Variants in DOCK8 observed in about 807,000 individuals in gnomAD.
The protein encoded by DOCK8 is dedicator of cytokinesis protein 8.
DOCK8 carries 141 observed loss-of-function variants against 245.6 expected under a neutral mutation model. The observed-to-expected ratio is 0.57, with a 90% CI of 0.50 to 0.66. The LOEUF (loss-of-function observed/expected upper bound fraction) is 0.66. Among genes scored for constraint, DOCK8 ranks in the 30% least tolerant of loss-of-function variants. The pLI, the probability that DOCK8 is intolerant of heterozygous loss-of-function variation, is 0.00. For missense variants in DOCK8, 2,965 were observed against 2,603.4 expected, an observed-to-expected ratio of 1.14 and a Z score of -3.02; for synonymous variants, 1,168 against 970.2, an observed-to-expected ratio of 1.20 and a Z score of -3.79.
In DOCK8 at chr9:429,645, C is replaced by A. The variant is rs1159251189; in HGVS notation, c.4474-57C>A. Reference sequence around the variant, plus strand: ...ATGGACATTTGCATATTTCAACGGTCCAGAAAGTGTATCAAACTGCCAAGT... The same window carrying A: ...ATGGACATTTGCATATTTCAACGGTACAGAAAGTGTATCAAACTGCCAAGT... On this transcript the variant is annotated intron_variant, in intron 35 of 47. Transcript: ENST00000432829. 3 of 1,605,828 alleles carry A rather than the reference C, an allele frequency of 1.9e-6. No homozygotes were observed. In the African/African-American group the frequency reaches 4.0e-5, roughly 21 times the overall value.
chr9:371,313 T>G, intron 16 of DOCK8, 115 bp from the exon 17 acceptor site: 1 of 1,273,056 alleles, frequency 7.9e-7, no homozygotes, highest in Non-Finnish European at 1.1e-6. Flanking sequence ...TAATGTAAAA[T>G]GAAAAGCAAA....
At chr9:400,744 CATCTT>C (rs2054931458) in intron 26 of DOCK8, among the ~76,000 whole-genome samples, 1 of 94,550 alleles carries the variant, frequency 1.1e-5, no homozygotes, top group Non-Finnish European at 2.2e-5. Flanking sequence ...CCACCACCAG[CATCTT>C]CACCATCACC....
intron 46 of DOCK8, among the ~76,000 whole-genome samples, chr9:457,909 GATGAAGAAACTATGAC>G (rs1345353858): frequency 6.6e-6 from 1 of 152,148 alleles, no homozygotes; most frequent in African/African-American, 2.4e-5. Context: ...ACACATCACA[GATGAAGAAACTATGAC>G]ATGAAGAGGT....
intron 15 of DOCK8, chr9:369,275 C>G (rs541161472): frequency 6.6e-6 from 1 of 152,368 alleles, no homozygotes; most frequent in South Asian, 2.1e-4. Context: ...AGGCCCCTGG[C>G]ATGCCACTGC....
chr9:302,123 T>C (rs773463521), intron 4 of DOCK8, among the ~76,000 whole-genome samples: 6 of 152,114 alleles, frequency 3.9e-5, no homozygotes, highest in South Asian at 2.1e-4. Flanking sequence ...CAGTGACCAA[T>C]ACAGCACAGT....
chr9:440,740 T>C (rs898512898), intron 40 of DOCK8, among the ~76,000 whole-genome samples: 1 of 152,108 alleles, frequency 6.6e-6, no homozygotes, highest in Non-Finnish European at 1.5e-5. Flanking sequence ...TTTTGTTTTG[T>C]TTTTGTTTTT....
chr9:401,818 G>A (rs535754445), intron 26 of DOCK8, among the ~76,000 whole-genome samples: 3 of 152,164 alleles, frequency 2.0e-5, no homozygotes, highest in East Asian at 3.9e-4. Flanking sequence ...CACCCTGAAC[G>A]CACGCAGTCT....
chr9:372,698 TCTC>T (rs2053348216), intron 18 of DOCK8, among the ~76,000 whole-genome samples: 1 of 152,178 alleles, frequency 6.6e-6, no homozygotes, highest in Admixed American at 6.5e-5. Flanking sequence ...AGGTATTTAT[TCTC>T]CTACCAATCC....
At chr9:341,961 G>T (rs2051618646) in intron 14 of DOCK8, among the ~76,000 whole-genome samples, 1 of 152,180 alleles carries the variant, frequency 6.6e-6, no homozygotes, top group Non-Finnish European at 1.5e-5. Flanking sequence ...TCTAATGCCT[G>T]ATATTCTGTC....
In DOCK8 at chr9:229,446, A is replaced by G. The variant is rs544176740; in HGVS notation, c.53+14417A>G. On this transcript the variant is annotated intron_variant, in intron 1 of 47. Coordinates refer to ENST00000432829, the MANE Select transcript of DOCK8 (RefSeq NM_203447.4). ...TATATGAACTTAATAATCCCTTGAG[A>G]TGCTCTTAAATCCCATAATTACACT... 7.9e-5 allele frequency among the ~76,000 whole-genome samples: 12 copies of G among 152,318 alleles called. No individual in the cohort carries two copies. The South Asian group carries it at 2.5e-3, about 32-fold the overall frequency.
chr9:255,240 T>C (rs1338903207), intron 1 of DOCK8, among the ~76,000 whole-genome samples: 2 of 152,212 alleles, frequency 1.3e-5, no homozygotes. Context: ...TAGATCATCC[T>C]TATAACGATC....
intron 46 of DOCK8, among the ~76,000 whole-genome samples, chr9:453,293 TTAA>T (rs1458346192): frequency 3.3e-5 from 5 of 152,270 alleles, no homozygotes; most frequent in African/African-American, 1.2e-4. Flanking sequence ...ATTATCTTGA[TTAA>T]TGTTTTGATA....
chr9:391,887 C>G (rs1016069899), intron 24 of DOCK8, among the ~76,000 whole-genome samples: 5 of 144,642 alleles, frequency 3.5e-5, no homozygotes, highest in African/African-American at 1.3e-4. Context: ...ACTTGTAATC[C>G]TAGCACTTTG....
chr9:370,030 T>G (rs1443928954), intron 15 of DOCK8, 200 bp from the exon 16 acceptor site: 7 of 614,476 alleles, frequency 1.1e-5, no homozygotes, highest in African/African-American at 1.8e-5. Flanking sequence ...CTCCAACTCC[T>G]GGGCTCAAGC....
chr9:250,543 TC>T (rs1436955710), intron 1 of DOCK8, among the ~76,000 whole-genome samples: 1 of 152,208 alleles, frequency 6.6e-6, no homozygotes, highest in Non-Finnish European at 1.5e-5. Context: ...CCATGTTTTT[TC>T]TTTAATGCTT....
Position 425,593 on chromosome 9 carries a change from T to A in DOCK8, c.4242-1292T>A, listed in dbSNP as rs1344322185. ...GGTTAAAATGGTAAATTTGATGTTA[T>A]GTGTACTTTATCACGATATAAAAAT... On this transcript the variant is annotated intron_variant, in intron 33 of 47. Transcript: ENST00000432829. Among the ~76,000 whole-genome samples, 12 of 150,804 alleles carry A rather than the reference T, an allele frequency of 8.0e-5. No homozygotes were observed. The East Asian group carries it at 2.1e-3, about 27-fold the overall frequency.
chr9:435,675 T>C (rs944534655), intron 39 of DOCK8, among the ~76,000 whole-genome samples: 4 of 152,206 alleles, frequency 2.6e-5, no homozygotes, highest in African/African-American at 9.7e-5. Flanking sequence ...ATCAGTACCT[T>C]CTTAGGATAA....
At chr9:287,361 A>G (rs2048864240) in intron 3 of DOCK8, among the ~76,000 whole-genome samples, 1 of 152,208 alleles carries the variant, frequency 6.6e-6, no homozygotes, top group Non-Finnish European at 1.5e-5. Context: ...TAAAATGTAA[A>G]AAAAAATGTC....
chr9:305,426 G>A (rs2049777895), intron 5 of DOCK8, among the ~76,000 whole-genome samples: 1 of 151,618 alleles, frequency 6.6e-6, no homozygotes, highest in Non-Finnish European at 1.5e-5. Context: ...GGGACTACAG[G>A]CTCCCGCCAC....
Sources: gnomAD v4.1 joint callset for allele counts (sites outside exome capture counted in the v4.1 genomes callset) on GRCh38, gnomAD v4.1.1 for gene constraint, MANE v1.5 for transcripts, NCBI Gene and HGNC (gene_info 2026-07-23, HGNC 2026-07-21) for gene names.